Variants in DCC observed in about 807,000 individuals in gnomAD.
DCC encodes the protein DCC netrin 1 receptor.
In DCC, 58 loss-of-function variants were observed where a neutral mutation model predicts 172.5. The observed-to-expected ratio is 0.34, with a 90% confidence interval of 0.27 to 0.42. The LOEUF (loss-of-function observed/expected upper bound fraction) is 0.42. Ranked by LOEUF, DCC falls within the 10% of genes least tolerant of loss-of-function variation. The probability of loss-of-function intolerance (pLI) is 1.00; values close to 1 mark genes in which losing one functional copy is unlikely to be tolerated. For missense variants in DCC, 1,740 were observed against 1,791.0 expected, an observed-to-expected ratio of 0.97 and a Z score of 0.51; for synonymous variants, 709 against 644.5, an observed-to-expected ratio of 1.10 and a Z score of -1.52.
At chr18:52,989,579 T>C (rs2041349945) in intron 5 of DCC, among the ~76,000 whole-genome samples, 2 of 152,168 alleles carry the variant, frequency 1.3e-5, no homozygotes, top group African/African-American at 4.8e-5. Flanking sequence ...CACTGAACAT[T>C]GGAAATAAAT....
At chr18:53,412,863 G>A (rs1265900052) in intron 20 of DCC, among the ~76,000 whole-genome samples, 1 of 151,954 alleles carries the variant, frequency 6.6e-6, no homozygotes, top group African/African-American at 2.4e-5. Context: ...AATTAGAAAG[G>A]GATTATCTTA....
chr18:52,578,842 C>G (rs1245460472), intron 1 of DCC, among the ~76,000 whole-genome samples: 12 of 151,980 alleles, frequency 7.9e-5, no homozygotes, highest in Admixed American at 7.9e-4. Context: ...ACTAAAAATA[C>G]AAAAACAATT....
intron 7 of DCC, among the ~76,000 whole-genome samples, chr18:53,120,931 A>G (rs1010216416): frequency 2.6e-5 from 4 of 151,964 alleles, no homozygotes; most frequent in African/African-American, 9.7e-5. Context: ...TTAGAAAAAC[A>G]TTGAAGTAAG....
At chr18:52,859,968 T>G (rs2145358914) in intron 2 of DCC, among the ~76,000 whole-genome samples, 1 of 152,296 alleles carries the variant, frequency 6.6e-6, no homozygotes, top group Middle Eastern at 3.4e-3. Flanking sequence ...ATAAATACAT[T>G]ATTCCATATC....
At chr18:53,403,938 T>C (rs1030855836) in intron 19 of DCC, among the ~76,000 whole-genome samples, 2 of 152,194 alleles carry the variant, frequency 1.3e-5, no homozygotes, top group Non-Finnish European at 2.9e-5. Flanking sequence ...CTTAGCACAA[T>C]AGCAAACAGA....
At chr18:53,128,637 T>C (rs938500769) in intron 7 of DCC, among the ~76,000 whole-genome samples, 4 of 151,858 alleles carry the variant, frequency 2.6e-5, no homozygotes, top group African/African-American at 4.8e-5. Context: ...TTTATTGTTA[T>C]TAAAGAAATT....
At chr18:53,095,790 A>ACGC (rs1483147326) in intron 7 of DCC, among the ~76,000 whole-genome samples, 2 of 102,954 alleles carry the variant, frequency 1.9e-5, no homozygotes, top group African/African-American at 9.0e-5. Flanking sequence ...GGATATGGAT[A>ACGC]TCTTTTTTTT....
At chr18:52,691,303 TG>T (rs2035927029) in intron 1 of DCC, among the ~76,000 whole-genome samples, 1 of 152,126 alleles carries the variant, frequency 6.6e-6, no homozygotes, top group South Asian at 2.1e-4. Flanking sequence ...AAGGCTCACT[TG>T]TCCCCCAACA....
At chr18:53,175,773 A>G (rs1378394570) in intron 8 of DCC, among the ~76,000 whole-genome samples, 42 of 151,976 alleles carry the variant, frequency 2.8e-4, no homozygotes, top group Non-Finnish European at 1.6e-4. Flanking sequence ...TACAGATTCA[A>G]TGCCATCCCC....
At chr18:53,404,111 T>A (rs1178098840) in intron 19 of DCC, among the ~76,000 whole-genome samples, 1 of 152,184 alleles carries the variant, frequency 6.6e-6, no homozygotes, top group Non-Finnish European at 1.5e-5. Context: ...TTTCATTGGT[T>A]CTATGTCAGT....
At chr18:52,691,575 A>AG (rs1387030182) in intron 1 of DCC, among the ~76,000 whole-genome samples, 1 of 152,098 alleles carries the variant, frequency 6.6e-6, no homozygotes, top group African/African-American at 2.4e-5. Context: ...GCTTAATCTC[A>AG]GGGGGGCTTC....
At chr18:52,689,784 T>G (rs1422006732) in intron 1 of DCC, among the ~76,000 whole-genome samples, 1 of 152,170 alleles carries the variant, frequency 6.6e-6, no homozygotes, top group Non-Finnish European at 1.5e-5. Flanking sequence ...TAAAATTTCC[T>G]TCAATCACTT....
intron 1 of DCC, among the ~76,000 whole-genome samples, chr18:52,513,569 A>C (rs1397483060): frequency 2.0e-5 from 3 of 152,220 alleles, no homozygotes. Context: ...TATTATTTAA[A>C]ATAATATATG....
chr18:52,946,417 C>T (rs768706164), intron 5 of DCC, among the ~76,000 whole-genome samples: 2 of 152,130 alleles, frequency 1.3e-5, no homozygotes, highest in African/African-American at 2.4e-5. Context: ...TAGGTATTGC[C>T]GCAATAATAC....
intron 2 of DCC, among the ~76,000 whole-genome samples, chr18:52,765,676 A>T (rs1354992760): frequency 6.6e-6 from 1 of 152,160 alleles, no homozygotes; most frequent in Non-Finnish European, 1.5e-5. Flanking sequence ...CAAAGATCTC[A>T]TAAAGACACA....
chr18:52,388,755 A>G (rs1161654622), intron 1 of DCC, among the ~76,000 whole-genome samples: 1 of 152,020 alleles, frequency 6.6e-6, no homozygotes, highest in Non-Finnish European at 1.5e-5. Flanking sequence ...ACACGTGAAA[A>G]TATGTAGGGG....
chr18:53,199,000 T>C (rs1476974286), intron 9 of DCC, among the ~76,000 whole-genome samples: 1 of 152,142 alleles, frequency 6.6e-6, no homozygotes, highest in Non-Finnish European at 1.5e-5. Context: ...TACTAAAATG[T>C]AATGAAATGG....
chr18:53,087,106 G>A (rs1335393011), intron 7 of DCC, among the ~76,000 whole-genome samples: 1 of 151,830 alleles, frequency 6.6e-6, no homozygotes, highest in Non-Finnish European at 1.5e-5. Flanking sequence ...TAGTCCTTTG[G>A]GTATATACCC....
chr18:52,751,969 A>C, intron 1 of DCC, 85 bp from the exon 2 acceptor site: 3 of 1,185,466 alleles, frequency 2.5e-6, no homozygotes, highest in Non-Finnish European at 1.2e-6. Context: ...CTTTTGTGAA[A>C]AGCTTTGTAA....
Sources: gnomAD v4.1 joint callset for allele counts (sites outside exome capture counted in the v4.1 genomes callset) on GRCh38, gnomAD v4.1.1 for gene constraint, MANE v1.5 for transcripts, NCBI Gene and HGNC (gene_info 2026-07-23, HGNC 2026-07-21) for gene names.